Variants in WASHC3 observed in about 807,000 individuals in gnomAD.
WASHC3 encodes WASH complex subunit CCDC53.
A neutral mutation model predicts 26.1 loss-of-function variants in WASHC3; 24 were observed. The ratio of observed to expected loss-of-function variants is 0.92; its 90% CI spans 0.66 to 1.29. WASHC3 has a LOEUF of 1.29. Ranked by LOEUF, WASHC3 falls within the 50% of genes most tolerant of loss-of-function variation. WASHC3 has a pLI of 0.00. For synonymous variants in WASHC3, 77 were observed against 75.7 expected (o/e 1.02, Z -0.09); for missense variants, 214 against 229.6 (o/e 0.93, Z 0.44).
chr12:102,052,244 C>T (rs1446883860), intron 2 of WASHC3, among the ~76,000 whole-genome samples: 3 of 152,212 alleles, frequency 2.0e-5, no homozygotes, highest in African/African-American at 7.2e-5. Context: ...CCAGGCAGCA[C>T]AGCATGGAGA....
chr12:102,012,944 G>A lies in WASHC3; in HGVS notation c.*164C>T, dbSNP rs984442178. The A allele has an allele frequency of 8.4e-6, 4 of 476,570 alleles. No individual in the cohort carries two copies. The highest frequency in any genetic ancestry group is 5.4e-4 in the Middle Eastern group (1 of 1,868). 29.5% of individuals were successfully genotyped at this position (476,570 alleles called of 1,614,324 possible). A position where few individuals can be genotyped will look rare whatever the true frequency, so the allele number is the denominator to read the frequency against. On this transcript the variant is annotated 3_prime_UTR_variant, in exon 7 of 7. Coordinates refer to ENST00000240079, the MANE Select transcript of WASHC3 (RefSeq NM_016053.4). ...TTTATTTTAGCAACAAGACATACTGGCAGGTTAAAACTGCTTTATTATTAT... is the reference window on the plus strand; with the variant it reads ...TTTATTTTAGCAACAAGACATACTGACAGGTTAAAACTGCTTTATTATTAT...
chr12:102,050,359 C>T, intron 2 of WASHC3: 1 of 434,840 alleles, frequency 2.3e-6, no homozygotes, highest in South Asian at 1.7e-5. Flanking sequence ...TGGCTCACGC[C>T]TATAATTCCA....
chr12:102,039,652 A>G (rs1448808818), intron 5 of WASHC3, among the ~76,000 whole-genome samples: 1 of 151,990 alleles, frequency 6.6e-6, no homozygotes, highest in African/African-American at 2.4e-5. Context: ...TCTATATTAA[A>G]CTATGTTAAT....
chr12:102,019,274 C>T (rs962893538), intron 6 of WASHC3: 4 of 238,724 alleles, frequency 1.7e-5, no homozygotes, highest in African/African-American at 7.1e-5. Context: ...TAATAAAACT[C>T]ACAGCAATAC....
At position 102,046,076 on chromosome 12, in the gene WASHC3, G is replaced by T; in HGVS notation, c.194C>A (p.Thr65Asn). 6.3e-7 allele frequency: 1 copy of T among 1,596,076 alleles called. No individual in the cohort carries two copies. Among genetic ancestry groups the T allele is most frequent in the Non-Finnish European group, 8.6e-7 (1 of 1,168,200 alleles). ...LSLRIQQIET[T>N]LNILDAKLSS... ...AACCTTTGCATCTAAAATATTGAGA[G>T]TTGTTTCAATTTGTTGGATACGAAG... Residue 65 changes from threonine (T) to asparagine (N), a missense_variant, in exon 3 of 7, where the codon ACT (threonine) becomes AAT (asparagine). Thr to Asn is a moderately conservative substitution (Grantham distance 65). Transcript: ENST00000240079.
intron 4 of WASHC3, 97 bp from the exon 5 acceptor site, chr12:102,040,075 TA>T: frequency 2.0e-6 from 1 of 492,696 alleles, no homozygotes; most frequent in Non-Finnish European, 3.7e-6. Flanking sequence ...TCTAAGGCAG[TA>T]AATTGCAGAA....
chr12:102,050,768 T>A (rs1357564155), intron 2 of WASHC3: 3 of 346,672 alleles, frequency 8.7e-6, no homozygotes, highest in Non-Finnish European at 1.7e-5. Context: ...AATGCTCAGG[T>A]TTCACCTGCA....
At chr12:102,055,199 G>A (rs535888798) in intron 2 of WASHC3, among the ~76,000 whole-genome samples, 7 of 152,280 alleles carry the variant, frequency 4.6e-5, no homozygotes, top group African/African-American at 1.2e-4. Flanking sequence ...TATCAGAAAC[G>A]AAAGAGATGT....
At chr12:102,035,356 C>A (rs1256295055) in intron 5 of WASHC3, among the ~76,000 whole-genome samples, 2 of 152,030 alleles carry the variant, frequency 1.3e-5, no homozygotes, top group African/African-American at 4.8e-5. Context: ...AGTGATTATG[C>A]CAAGGAAAGA....
intron 2 of WASHC3, chr12:102,050,335 C>A (rs1411693435): frequency 4.5e-6 from 2 of 446,652 alleles, no homozygotes; most frequent in East Asian, 1.4e-4. Flanking sequence ...AAATAACATT[C>A]TGGCCAGGTA....
At chr12:102,047,105 C>G (rs984180096) in intron 2 of WASHC3, among the ~76,000 whole-genome samples, 6 of 152,102 alleles carry the variant, frequency 3.9e-5, no homozygotes, top group Non-Finnish European at 7.4e-5. Context: ...TACACCTATA[C>G]AAAGAAAGGT....
chr12:102,054,022 C>G (rs572647965), intron 2 of WASHC3, among the ~76,000 whole-genome samples: 29 of 152,192 alleles, frequency 1.9e-4, no homozygotes, highest in Non-Finnish European at 3.8e-4. Context: ...TTTAAAATAG[C>G]CTGTTATAAC....
At chr12:102,042,315 G>C (rs1225654941) in intron 4 of WASHC3, among the ~76,000 whole-genome samples, 1 of 151,992 alleles carries the variant, frequency 6.6e-6, no homozygotes, top group Non-Finnish European at 1.5e-5. Context: ...ATCTAATTAA[G>C]TAAATGATCA....
At chr12:102,050,790 G>T (rs1001470830) in intron 2 of WASHC3, among the ~76,000 whole-genome samples, 2 of 152,220 alleles carry the variant, frequency 1.3e-5, no homozygotes, top group African/African-American at 4.8e-5. Context: ...TATGCATAGA[G>T]CTTATGTTGC....
At chr12:102,014,607 C>T (rs1051914985) in intron 6 of WASHC3, among the ~76,000 whole-genome samples, 1 of 152,008 alleles carries the variant, frequency 6.6e-6, no homozygotes, top group African/African-American at 2.4e-5. Flanking sequence ...GGCATTGCTC[C>T]CTAGTTGTCA....
chr12:102,039,125 T>TA (rs1877812505), intron 5 of WASHC3, among the ~76,000 whole-genome samples: 1 of 139,902 alleles, frequency 7.1e-6, no homozygotes, highest in Non-Finnish European at 1.6e-5. Context: ...CATATGGAGT[T>TA]AGGTTTTTTT....
At chr12:102,050,054 G>A in intron 2 of WASHC3, 1 of 171,892 alleles carries the variant, frequency 5.8e-6, no homozygotes, top group Non-Finnish European at 1.3e-5. Context: ...TTGGCTGAGG[G>A]TGCTTGTAAT....
chr12:102,060,956 C>CAAAAAAAAA lies in WASHC3; in HGVS notation c.150+283_150+291dup, dbSNP rs56001519. Among the ~76,000 whole-genome samples, 125 of 55,626 alleles carry CAAAAAAAAA rather than the reference C, an allele frequency of 2.2e-3. 1 individual carries two copies. The highest frequency in any genetic ancestry group is 7.5e-3 in the African/African-American group (110 of 14,730). The allele number at this position is 55,626 out of a possible 152,430, so 36.5% of individuals were successfully genotyped here. ...GGTGACAGAGTGAGACCCTGTCTCA[C>CAAAAAAAAA]AAAAAAAAAAAAAAAAAAAAAAAAA... On this transcript the variant is annotated intron_variant, in intron 2 of 6. Coordinates refer to ENST00000240079, the MANE Select transcript of WASHC3 (RefSeq NM_016053.4).
chr12:102,022,848 C>T (rs1411647387), intron 6 of WASHC3, among the ~76,000 whole-genome samples: 1 of 151,902 alleles, frequency 6.6e-6, no homozygotes, highest in Non-Finnish European at 1.5e-5. Context: ...CGCGATATAC[C>T]CATTCTATAT....
Sources: gnomAD v4.1 joint callset for allele counts (sites outside exome capture counted in the v4.1 genomes callset) on GRCh38, gnomAD v4.1.1 for gene constraint, MANE v1.5 for transcripts, NCBI Gene and HGNC (gene_info 2026-07-23, HGNC 2026-07-21) for gene names.